SLC38A10: variants seen among roughly 807,000 people sequenced by gnomAD.
SLC38A10 encodes the protein solute carrier family 38 member 10.
SLC38A10 carries 53 observed loss-of-function variants against 81.0 expected under a neutral mutation model. The observed-to-expected ratio is 0.65, with a 90% confidence interval of 0.53 to 0.82. The LOEUF is 0.82. SLC38A10 is among the 40% of genes least tolerant of loss of function. SLC38A10 has a pLI of 0.00. For missense variants in SLC38A10, 1,471 were observed against 1,545.0 expected, an observed-to-expected ratio of 0.95 and a Z score of 0.80; for synonymous variants, 665 against 655.3, an observed-to-expected ratio of 1.01 and a Z score of -0.23.
intron 6 of SLC38A10, among the ~76,000 whole-genome samples, chr17:81,278,713 G>C (rs1004304173): frequency 2.0e-5 from 3 of 152,158 alleles, no homozygotes; most frequent in Non-Finnish European, 4.4e-5. Flanking sequence ...CTGTCCTCTC[G>C]CCACAGCTGA....
At chr17:81,274,747 G>A (rs1449709316) in intron 8 of SLC38A10, among the ~76,000 whole-genome samples, 3 of 151,926 alleles carry the variant, frequency 2.0e-5, no homozygotes, top group Non-Finnish European at 2.9e-5. Flanking sequence ...CGCTCGGGGC[G>A]AAAGACAGCG....
Position 81,246,034 on chromosome 17 carries a change from A to T in SLC38A10, c.2882T>A (p.Leu961Gln). The T allele has an allele frequency of 3.1e-6, 5 of 1,610,484 alleles. No homozygotes were observed. The highest frequency in any genetic ancestry group is 4.2e-6 in the Non-Finnish European group (5 of 1,179,394). The change falls in exon 16 of 16, where the codon CTG (leucine) becomes CAG (glutamine). Residue 961 changes from leucine (L) to glutamine (Q), a missense_variant. By Grantham distance (113) the Leu-to-Gln change is moderately radical. Around this residue, in one of 2 missense-constraint regions of SLC38A10, gnomAD observed 751 missense variants for 717.4 expected, o/e 1.05. Coordinates refer to ENST00000374759, the MANE Select transcript of SLC38A10 (RefSeq NM_001037984.3). ...CTGCTCGCCATCAGAGATGACCCGC[A>T]GTTCCGGCTGGCGTAACACAGCCTG... is the stretch of plus-strand genomic sequence containing the variant. ...QPQAVLRQPE[L>Q]RVISDGEQGG...
At chr17:81,275,197 C>T (rs1166085747) in intron 8 of SLC38A10, among the ~76,000 whole-genome samples, 1 of 152,124 alleles carries the variant, frequency 6.6e-6, no homozygotes, top group Non-Finnish European at 1.5e-5. Context: ...TGTGAGCCAC[C>T]ATATCCAGCC....
At chr17:81,291,884 C>G (rs2063313460) in intron 1 of SLC38A10, among the ~76,000 whole-genome samples, 1 of 152,172 alleles carries the variant, frequency 6.6e-6, no homozygotes, top group African/African-American at 2.4e-5. Context: ...CACCTCAGTT[C>G]AAACCAGGCA....
Position 81,246,391 on chromosome 17 carries a change from G to C in SLC38A10, c.2525C>G (p.Pro842Arg). ...KLRDGQKDAAPRAAGTVKELP... is the reference protein window; with the variant it reads ...KLRDGQKDAARRAAGTVKELP... Reference sequence around the variant, plus strand: ...CTCCTTCACAGTGCCAGCTGCCCTGGGGGCGGCATCCTTCTGGCCATCTCT... The same window carrying C: ...CTCCTTCACAGTGCCAGCTGCCCTGCGGGCGGCATCCTTCTGGCCATCTCT... Residue 842 changes from proline (P) to arginine (R), a missense_variant, in exon 16 of 16, where the codon CCC becomes CGC. By Grantham distance (103) the Pro-to-Arg change is moderately radical (BLOSUM62 -2). Around this residue, in one of 2 missense-constraint regions of SLC38A10, gnomAD observed 751 missense variants for 717.4 expected, o/e 1.05. Coordinates refer to ENST00000374759, the MANE Select transcript of SLC38A10 (RefSeq NM_001037984.3). 1 of 1,600,404 alleles carries C rather than the reference G, an allele frequency of 6.2e-7. No individual in the cohort carries two copies. Among genetic ancestry groups the C allele is most frequent in the Non-Finnish European group, 8.5e-7 (1 of 1,175,440 alleles).
Position 81,245,371 on chromosome 17 carries a change from A to G in SLC38A10, c.*185T>C. On this transcript the variant is annotated 3_prime_UTR_variant, in exon 16 of 16. Transcript: ENST00000374759. ...GAGCTGCAACAGAACGACAGCAAGA[A>G]CATTCTGGAAACGATGCCACAGTGA... 1 of 720,236 alleles carries G rather than the reference A, an allele frequency of 1.4e-6. No homozygotes were observed. Among genetic ancestry groups the G allele is most frequent in the Non-Finnish European group, 2.2e-6 (1 of 460,074 alleles). 44.6% of individuals were successfully genotyped at this position (720,236 alleles called of 1,614,324 possible).
At chr17:81,252,818 C>A (rs984201483) in intron 12 of SLC38A10, 135 bp from the exon 13 acceptor site, 5 of 1,362,146 alleles carry the variant, frequency 3.7e-6, no homozygotes, top group Admixed American at 2.7e-5. Flanking sequence ...CCTCCCCTGC[C>A]GGCCTCCCTG....
intron 11 of SLC38A10, among the ~76,000 whole-genome samples, chr17:81,254,843 G>A (rs1252480715): frequency 2.0e-5 from 3 of 152,222 alleles, no homozygotes; most frequent in Admixed American, 6.5e-5. Flanking sequence ...GGCCCCATGC[G>A]GAAACAAGCC....
intron 1 of SLC38A10, among the ~76,000 whole-genome samples, chr17:81,294,540 G>A (rs1016778011): frequency 9.2e-5 from 14 of 152,222 alleles, no homozygotes; most frequent in Admixed American, 4.6e-4. Flanking sequence ...GATTCTGGAG[G>A]ATCATTTTGC....
rs1299950902 is a variant in SLC38A10, at chr17:81,245,930, C to T, written c.2986G>A (p.Val996Met). 17 of 1,610,308 alleles carry T rather than the reference C, an allele frequency of 1.1e-5. No homozygotes were observed. Among genetic ancestry groups the T allele is most frequent in the African/African-American group, 1.3e-5 (1 of 74,898 alleles). ...CCGCCTCTCGGCTGCTCGTGGGACA[C>T]AGGCACATGGTCCCCCCCGCGGGCC... Reference protein sequence around the residue: ...RKARGGDHVPVSHEQPRGGED... With the variant: ...RKARGGDHVPMSHEQPRGGED... Residue 996 changes from valine (V) to methionine (M), a missense_variant, in exon 16 of 16, where the codon GTG becomes ATG. This residue lies in a region of SLC38A10 where 751 missense variants were observed against 717.4 expected (regional missense o/e 1.05). Coordinates refer to ENST00000374759, the MANE Select transcript of SLC38A10 (RefSeq NM_001037984.3).
intron 1 of SLC38A10, 64 bp downstream of exon 1, chr17:81,294,759 C>G: frequency 6.9e-7 from 1 of 1,456,300 alleles, no homozygotes; most frequent in Non-Finnish European, 9.2e-7. Flanking sequence ...ACCAGGACGA[C>G]CCAGCCAGAC....
intron 14 of SLC38A10, 141 bp downstream of exon 14, chr17:81,251,352 G>A: frequency 1.2e-6 from 2 of 1,612,934 alleles, no homozygotes; most frequent in Non-Finnish European, 8.5e-7. Context: ...GCTCTCCGAG[G>A]GGTCTGCTCA....
At position 81,281,089 on chromosome 17, in the gene SLC38A10, G is replaced by C. The variant is rs543578830; in HGVS notation, c.502-356C>G. 1.3e-5 allele frequency among the ~76,000 whole-genome samples: 2 copies of C among 152,196 alleles called. No individual in the cohort carries two copies. The highest frequency in any genetic ancestry group is 2.9e-5 in the Non-Finnish European group (2 of 68,034). On this transcript the variant is annotated intron_variant, in intron 5 of 15. Coordinates refer to ENST00000374759, the MANE Select transcript of SLC38A10 (RefSeq NM_001037984.3). The surrounding 1 kb of genome is among the most constrained non-coding windows in gnomAD (Gnocchi z 5.3). ...AGAGGCTGGTTTCCCACGTGGGCAGGTCCCTCCCCATCTTGTACTGTGTTA... is the reference window on the plus strand; with the variant it reads ...AGAGGCTGGTTTCCCACGTGGGCAGCTCCCTCCCCATCTTGTACTGTGTTA...
Position 81,253,255 on chromosome 17 carries a change from C to G in SLC38A10, c.1289-15G>C, listed in dbSNP as rs1468297064. On this transcript the variant is annotated splice_polypyrimidine_tract_variant and intron_variant, in intron 11 of 15. Transcript: ENST00000374759. The surrounding 1 kb of genome is among the most constrained non-coding windows in gnomAD (Gnocchi z 4.1). ...CGGATCCTGGGCTGGGAGCAGGGCA[C>G]AGTTAGGGAACTGCACTGCCAAGCA... 8.7e-6 allele frequency: 14 copies of G among 1,612,982 alleles called. No individual in the cohort carries two copies. The highest frequency in any genetic ancestry group is 1.2e-5 in the Non-Finnish European group (14 of 1,179,686).
At chr17:81,262,294 C>T (rs1436508770) in intron 10 of SLC38A10, among the ~76,000 whole-genome samples, 1 of 152,190 alleles carries the variant, frequency 6.6e-6, no homozygotes, top group African/African-American at 2.4e-5. Context: ...AGGCCTCTGC[C>T]AGCCAGCACA....
chr17:81,283,456 T>C lies in SLC38A10; in HGVS notation c.310A>G (p.Ile104Val). The change falls in exon 4 of 16, where the codon ATC (isoleucine) becomes GTC (valine). Residue 104 changes from isoleucine (I) to valine (V), a missense_variant. This residue lies in a region of SLC38A10 where 720 missense variants were observed against 827.7 expected (regional missense o/e 0.87). Transcript: ENST00000374759. This position sits in a 1 kb window ranked among gnomAD's most constrained non-coding sequence, Gnocchi z 4.7. The stretch of plus-strand genomic sequence containing the variant: ...AAGAAGTTGGACCCCAAGTCGCCGA[T>C]CACGACGTAGAAGGCGATGCAGGTG... ...LGTCIAFYVV[I>V]GDLGSNFFAR... 6.2e-7 allele frequency: 1 copy of C among 1,612,572 alleles called. No homozygotes were observed.
In SLC38A10 at chr17:81,260,411, C is replaced by A. The variant is rs1468067351; in HGVS notation, c.1132-17G>T. 1 of 1,603,258 alleles carries A rather than the reference C, an allele frequency of 6.2e-7. No homozygotes were observed. Among genetic ancestry groups the A allele is most frequent in the Non-Finnish European group, 8.5e-7 (1 of 1,174,470 alleles). ...CAGCACCACCTGAGGAGACAAAGACCCCAGGGGCGGGAGTCACAGCTGGCC... is the reference window on the plus strand; with the variant it reads ...CAGCACCACCTGAGGAGACAAAGACACCAGGGGCGGGAGTCACAGCTGGCC... On this transcript the variant is annotated splice_polypyrimidine_tract_variant and intron_variant, in intron 10 of 15. Coordinates refer to ENST00000374759, the MANE Select transcript of SLC38A10 (RefSeq NM_001037984.3).
At chr17:81,294,498 T>C (rs1408084366) in intron 1 of SLC38A10, among the ~76,000 whole-genome samples, 1 of 152,180 alleles carries the variant, frequency 6.6e-6, no homozygotes, top group Non-Finnish European at 1.5e-5. Context: ...CACGATAAAA[T>C]GTAAAAATAC....
chr17:81,282,163 G>C (rs1406755121), intron 5 of SLC38A10, 26 bp downstream of exon 5: 5 of 1,610,322 alleles, frequency 3.1e-6, no homozygotes, highest in Admixed American at 3.3e-5. Flanking sequence ...CCTTTCAGCG[G>C]GTACCCACGC....
Sources: gnomAD v4.1 joint callset for allele counts (sites outside exome capture counted in the v4.1 genomes callset) on GRCh38, gnomAD v4.1.1 for gene constraint, gnomAD v4.1.1 regional missense constraint, Gnocchi (gnomAD v3.1) non-coding constraint, MANE v1.5 for transcripts, NCBI Gene and HGNC (gene_info 2026-07-23, HGNC 2026-07-21) for gene names.